COL8A1: variants seen among roughly 807,000 people sequenced by gnomAD.
COL8A1 encodes collagen type VIII alpha 1 chain.
In COL8A1, 21 loss-of-function variants were observed where a neutral mutation model predicts 42.7. That is an observed-to-expected ratio of 0.49 (90% CI 0.35 to 0.71). The LOEUF (loss-of-function observed/expected upper bound fraction) is 0.71. Among genes scored for constraint, COL8A1 ranks in the 30% least tolerant of loss-of-function variants. COL8A1 has a pLI of 0.01. For synonymous variants in COL8A1, 367 were observed against 369.1 expected, an observed-to-expected ratio of 0.99 and a Z score of 0.06; for missense variants, 788 against 962.4, an observed-to-expected ratio of 0.82 and a Z score of 2.40.
At chr3:99,699,552 G>T (rs1311047246) in intron 1 of COL8A1, among the ~76,000 whole-genome samples, 1 of 152,166 alleles carries the variant, frequency 6.6e-6, no homozygotes, top group Non-Finnish European at 1.5e-5. Context: ...AATACTAAGA[G>T]AAATTATCTA....
intron 1 of COL8A1, among the ~76,000 whole-genome samples, chr3:99,672,278 C>T (rs944305026): frequency 1.3e-5 from 2 of 151,960 alleles, no homozygotes; most frequent in Admixed American, 6.6e-5. Context: ...TAGGCAACAT[C>T]GTTTCTTCTT....
intron 1 of COL8A1, among the ~76,000 whole-genome samples, chr3:99,693,449 T>G (rs990474657): frequency 6.6e-6 from 1 of 152,214 alleles, no homozygotes; most frequent in African/African-American, 2.4e-5. Flanking sequence ...GGACAAGATG[T>G]GAAGATGTGG....
At chr3:99,691,770 C>A (rs1328575382) in intron 1 of COL8A1, 1 of 150,130 alleles carries the variant, frequency 6.7e-6, no homozygotes, top group Non-Finnish European at 1.5e-5. Flanking sequence ...TAACTGAGGC[C>A]CAGAGAGGTA....
At chr3:99,647,378 A>G (rs982422001) in intron 1 of COL8A1, among the ~76,000 whole-genome samples, 9 of 152,218 alleles carry the variant, frequency 5.9e-5, no homozygotes, top group African/African-American at 2.2e-4. Flanking sequence ...TCTAAAACCC[A>G]GGGGAAACAG....
rs1463185101 is a variant in COL8A1, at chr3:99,794,245, G to C, written c.344G>C (p.Ser115Thr). ...TTCCCAGTAGAAATACCATTAGCCA[G>C]TTTACGAGGGGAACAAGGTCCCCGT... ...PKKGKEIPLASLRGEQGPRGE... is the reference protein window; with the variant it reads ...PKKGKEIPLATLRGEQGPRGE... Residue 115 changes from serine to threonine, a missense_variant, in exon 4 of 4, where the codon AGT (serine) becomes ACT (threonine). Physicochemically the swap from Ser to Thr is moderately conservative, Grantham distance 58. This residue lies in a region of COL8A1 where 421 missense variants were observed against 553.1 expected (regional missense o/e 0.76). Coordinates refer to ENST00000652472, the MANE Select transcript of COL8A1 (RefSeq NM_020351.4). The surrounding 1 kb of genome is among the most constrained non-coding windows in gnomAD (Gnocchi z 4.3). 6.3e-7 allele frequency: 1 copy of C among 1,586,072 alleles called. No homozygotes were observed. Among genetic ancestry groups the C allele is most frequent in the South Asian group, 1.1e-5 (1 of 87,174 alleles).
intron 2 of COL8A1, among the ~76,000 whole-genome samples, chr3:99,757,250 T>C (rs1387432086): frequency 6.6e-6 from 1 of 152,224 alleles, no homozygotes; most frequent in Non-Finnish European, 1.5e-5. Flanking sequence ...ATTCATTTTG[T>C]CAGGTGAAAC....
chr3:99,764,677 A>AT (rs760025949), intron 2 of COL8A1, among the ~76,000 whole-genome samples: 7 of 125,560 alleles, frequency 5.6e-5, no homozygotes, highest in Non-Finnish European at 3.3e-5. Context: ...AGTCAGGCAG[A>AT]TTTTTCTTTT....
chr3:99,749,367 A>G (rs1206503020), intron 2 of COL8A1, among the ~76,000 whole-genome samples: 1 of 152,226 alleles, frequency 6.6e-6, no homozygotes, highest in Non-Finnish European at 1.5e-5. Flanking sequence ...ATTTAAAATC[A>G]TAACTCAACC....
chr3:99,645,930 T>G (rs535695284), intron 1 of COL8A1, among the ~76,000 whole-genome samples: 2 of 152,022 alleles, frequency 1.3e-5, no homozygotes, highest in Non-Finnish European at 2.9e-5. Context: ...GCACAAAGAC[T>G]GAGGAAGCCT....
intron 1 of COL8A1, among the ~76,000 whole-genome samples, chr3:99,652,879 A>G (rs1313854200): frequency 6.6e-6 from 1 of 152,216 alleles, no homozygotes; most frequent in Non-Finnish European, 1.5e-5. Context: ...ATTTATGCAG[A>G]CAAAATAAAA....
At chr3:99,774,280 T>C (rs1393062610) in intron 2 of COL8A1, among the ~76,000 whole-genome samples, 2 of 151,604 alleles carry the variant, frequency 1.3e-5, no homozygotes, top group Non-Finnish European at 2.9e-5. Flanking sequence ...AGAATATCAT[T>C]ATATGCCAAA....
chr3:99,700,925 G>GT (rs2107346474), intron 1 of COL8A1, among the ~76,000 whole-genome samples: 1 of 152,268 alleles, frequency 6.6e-6, no homozygotes, highest in South Asian at 2.1e-4. Flanking sequence ...CTTACACTTG[G>GT]TAAGTTCTAG....
intron 1 of COL8A1, among the ~76,000 whole-genome samples, chr3:99,720,127 TC>T: frequency 6.6e-6 from 1 of 152,268 alleles, no homozygotes; most frequent in East Asian, 1.9e-4. Context: ...GCAGTTCTTA[TC>T]AAAAGTAGAT....
intron 1 of COL8A1, among the ~76,000 whole-genome samples, chr3:99,658,671 A>G (rs1305861603): frequency 6.6e-6 from 1 of 152,218 alleles, no homozygotes; most frequent in East Asian, 1.9e-4. Context: ...AGAGAAGCAG[A>G]TATCAGAGAC....
chr3:99,689,734 C>T (rs970208719), intron 1 of COL8A1, among the ~76,000 whole-genome samples: 8 of 151,594 alleles, frequency 5.3e-5, no homozygotes, highest in Non-Finnish European at 8.8e-5. Flanking sequence ...ATTAGATGCA[C>T]ATATGATACT....
intron 2 of COL8A1, among the ~76,000 whole-genome samples, chr3:99,749,747 GTT>G (rs1416727505): frequency 1.3e-5 from 2 of 151,980 alleles, no homozygotes; most frequent in African/African-American, 4.8e-5. Flanking sequence ...AATTTCAGAG[GTT>G]TGCTTTCCTC....
chr3:99,732,247 G>A (rs539524054), intron 1 of COL8A1, among the ~76,000 whole-genome samples: 1 of 152,124 alleles, frequency 6.6e-6, no homozygotes, highest in Non-Finnish European at 1.5e-5. Flanking sequence ...TTCCTTATAT[G>A]AAGAATCCAA....
chr3:99,795,477 C>G lies in COL8A1; in HGVS notation c.1576C>G (p.Pro526Ala), dbSNP rs751705625. 2 of 1,542,924 alleles carry G rather than the reference C, an allele frequency of 1.3e-6. No homozygotes were observed. Among genetic ancestry groups the G allele is most frequent in the Admixed American group, 2.0e-5 (1 of 49,456 alleles). ...GPKGEPGLPG[P>A]PGFPGIGKPG... ...CAAAGGGGAGCCGGGCCTCCCAGGG[C>G]CCCCTGGGTTCCCTGGTATAGGGAA... Residue 526 changes from proline (P) to alanine (A), a missense_variant, in exon 4 of 4, where the codon CCC (proline) becomes GCC (alanine). Around this residue, in one of 4 missense-constraint regions of COL8A1, gnomAD observed 154 missense variants for 182.3 expected, o/e 0.84. Coordinates refer to ENST00000652472, the MANE Select transcript of COL8A1 (RefSeq NM_020351.4).
chr3:99,795,863 C>A lies in COL8A1; in HGVS notation c.1962C>A (p.Thr654=), dbSNP rs770795680. 3.7e-6 allele frequency: 6 copies of A among 1,614,098 alleles called. No individual in the cohort carries two copies. The highest frequency in any genetic ancestry group is 4.2e-6 in the Non-Finnish European group (5 of 1,180,044). Residue 654 remains threonine, a synonymous_variant, in exon 4 of 4, where the codon ACC becomes ACA. Transcript: ENST00000652472. Reference sequence around the variant, plus strand: ...ACAACCCGCAGACAGGCATCTTCACCTGTGAGGTCCCTGGTGTCTACTACT... The same window carrying A: ...ACAACCCGCAGACAGGCATCTTCACATGTGAGGTCCCTGGTGTCTACTACT... ...QNYNPQTGIF[T]CEVPGVYYFA... is the part of the protein sequence containing the mutation.
Sources: allele counts gnomAD v4.1 joint callset (sites outside exome capture counted in the v4.1 genomes callset), GRCh38; gene constraint gnomAD v4.1.1; regional missense constraint gnomAD v4.1.1; non-coding constraint Gnocchi (gnomAD v3.1); transcripts MANE v1.5; gene names NCBI Gene and HGNC (gene_info 2026-07-23, HGNC 2026-07-21).